The following C2CD5 variants were observed in gnomAD, a reference collection of about 807,000 sequenced individuals.
The protein encoded by C2CD5 is C2 calcium dependent domain containing 5, also known as C2 domain-containing protein 5.
C2CD5 carries 109 observed loss-of-function variants against 130.3 expected under a neutral mutation model. The ratio of observed to expected loss-of-function variants is 0.84; its 90% CI spans 0.72 to 0.98. The LOEUF is 0.98. Among genes scored for constraint, C2CD5 ranks in the 50% least tolerant of loss-of-function variants. The pLI is 0.00. For missense variants in C2CD5, 996 were observed against 1,261.8 expected (o/e 0.79, Z 3.19); for synonymous variants, 454 against 429.2 (o/e 1.06, Z -0.71).
At chr12:22,482,799 C>A in intron 13 of C2CD5, 56 bp from the exon 14 acceptor site, 1 of 1,326,512 alleles carries the variant, frequency 7.5e-7, no homozygotes, top group Non-Finnish European at 1.1e-6. Flanking sequence ...TTAAAAATGT[C>A]CAAATTTTAA....
chr12:22,525,991 G>A (rs1669597057), intron 4 of C2CD5, among the ~76,000 whole-genome samples: 1 of 152,146 alleles, frequency 6.6e-6, no homozygotes, highest in South Asian at 2.1e-4. Flanking sequence ...AGATAGGCTA[G>A]GCTAAGCTAT....
At chr12:22,489,553 G>A (rs984126489) in intron 12 of C2CD5, among the ~76,000 whole-genome samples, 1 of 151,902 alleles carries the variant, frequency 6.6e-6, no homozygotes, top group Admixed American at 6.6e-5. Context: ...TAAAGTATAG[G>A]GGAGAATGTG....
At chr12:22,510,257 C>T (rs541260246) in intron 9 of C2CD5, among the ~76,000 whole-genome samples, 4 of 152,162 alleles carry the variant, frequency 2.6e-5, no homozygotes, top group South Asian at 2.1e-4. Context: ...AAGCACATCC[C>T]GCTTTCAATG....
intron 12 of C2CD5, among the ~76,000 whole-genome samples, chr12:22,489,751 TAA>T (rs1946096644): frequency 6.6e-6 from 1 of 152,186 alleles, no homozygotes; most frequent in African/African-American, 2.4e-5. Context: ...TTGTTTTTTA[TAA>T]AAATTGTTTC....
rs778454421 is a variant in C2CD5, at chr12:22,457,168, T to C, written c.2687-7A>G. On this transcript the variant is annotated splice_polypyrimidine_tract_variant and splice_region_variant and intron_variant, in intron 24 of 26. Coordinates refer to ENST00000446597, the MANE Select transcript of C2CD5 (RefSeq NM_001286176.2). Reference sequence around the variant, plus strand: ...GCTTTTTCAACTGTCATGGCTAAAATTGGAGAAAAATGAGAAAACATTCAG... The same window carrying C: ...GCTTTTTCAACTGTCATGGCTAAAACTGGAGAAAAATGAGAAAACATTCAG... 5.0e-6 allele frequency: 8 copies of C among 1,588,242 alleles called. No homozygotes were observed. The highest frequency in any genetic ancestry group is 2.3e-5 in the East Asian group (1 of 43,918).
chr12:22,528,284 C>T (rs2137103558), intron 3 of C2CD5, among the ~76,000 whole-genome samples: 1 of 152,288 alleles, frequency 6.6e-6, no homozygotes, highest in African/African-American at 2.4e-5. Context: ...AATGACACCA[C>T]AATTTCTAAG....
intron 2 of C2CD5, among the ~76,000 whole-genome samples, chr12:22,537,903 T>C (rs962248053): frequency 2.0e-5 from 3 of 152,216 alleles, no homozygotes; most frequent in Admixed American, 1.3e-4. Context: ...ATACTTCGCT[T>C]GTACAGAACC....
rs759619413 is a variant in C2CD5 at position 22,513,307 on chromosome 12, G to A, written c.1025C>T (p.Ala342Val). ...AGTGAATCTTACCCTCTGTTCCAAC[G>A]CTGATTGAGTCTGTTGTCTTAAAAG... Reference protein sequence around the residue: ...KALLRQQTQSALEQREFPFFT... With the variant: ...KALLRQQTQSVLEQREFPFFT... Residue 342 changes from alanine to valine, a missense_variant, in exon 9 of 27, where the codon GCG becomes GTG. Coordinates refer to ENST00000446597, the MANE Select transcript of C2CD5 (RefSeq NM_001286176.2). 16 of 1,607,366 alleles carry A rather than the reference G, an allele frequency of 1.0e-5. No homozygotes were observed. The highest frequency in any genetic ancestry group is 2.2e-5 in the East Asian group (1 of 44,782).
At chr12:22,484,937 T>G in intron 12 of C2CD5, 49 bp from the exon 13 acceptor site, 1 of 950,542 alleles carries the variant, frequency 1.1e-6, no homozygotes, top group South Asian at 2.4e-5. Flanking sequence ...ATGTACCAAT[T>G]TTTTCAAAAA....
At chr12:22,523,732 A>C in intron 6 of C2CD5, 108 bp from the exon 7 acceptor site, 1 of 811,452 alleles carries the variant, frequency 1.2e-6, no homozygotes, top group Non-Finnish European at 2.0e-6. Context: ...AAAATCACAG[A>C]TTTTCAGAAC....
intron 22 of C2CD5, among the ~76,000 whole-genome samples, chr12:22,467,214 G>A (rs1942229503): frequency 6.6e-6 from 1 of 152,010 alleles, no homozygotes; most frequent in African/African-American, 2.4e-5. Flanking sequence ...CTGTCGCCCA[G>A]GCTGGAGTGC....
rs745561097 is a variant in C2CD5 at position 22,458,601 on chromosome 12, GA to G, written c.2585-17del. ...ACTGACGTTGCTGAAAACACAGACA[GA>G]AAACAAAAGAAAAAAACAAAGAAAA... On this transcript the variant is annotated splice_polypyrimidine_tract_variant and intron_variant, in intron 23 of 26. Transcript: ENST00000446597. 17 of 1,163,810 alleles carry G rather than the reference GA, an allele frequency of 1.5e-5. No individual in the cohort carries two copies. In the East Asian group the frequency reaches 4.3e-4, roughly 30 times the overall value. 72.1% of individuals were successfully genotyped at this position (1,163,810 alleles called of 1,614,324 possible). A position where few individuals can be genotyped will look rare whatever the true frequency, so the allele number is the denominator to read the frequency against.
chr12:22,452,569 C>G (rs1039680104), intron 26 of C2CD5, among the ~76,000 whole-genome samples: 1 of 152,146 alleles, frequency 6.6e-6, no homozygotes, highest in African/African-American at 2.4e-5. Context: ...CTTCCCTTCC[C>G]CCTCTAACGT....
At chr12:22,520,948 A>C (rs1346215214) in intron 7 of C2CD5, among the ~76,000 whole-genome samples, 1 of 152,166 alleles carries the variant, frequency 6.6e-6, no homozygotes, top group Non-Finnish European at 1.5e-5. Flanking sequence ...TAAAATTCAA[A>C]TACACTGGAA....
chr12:22,526,673 C>A (rs955054375), intron 4 of C2CD5, among the ~76,000 whole-genome samples: 2 of 151,998 alleles, frequency 1.3e-5, no homozygotes, highest in Non-Finnish European at 2.9e-5. Context: ...GGGTTTGAGA[C>A]CAGCCTGGGC....
At chr12:22,504,578 G>A (rs113018176) in intron 10 of C2CD5, among the ~76,000 whole-genome samples, 3,075 of 152,268 alleles carry the variant, frequency 0.02, 38 homozygotes, top group Middle Eastern at 0.034. Context: ...AAAGTGTTGG[G>A]ATTACAGGCG....
At chr12:22,453,345 T>C (rs1939106532) in intron 26 of C2CD5, among the ~76,000 whole-genome samples, 9 of 152,302 alleles carry the variant, frequency 5.9e-5, no homozygotes, top group Admixed American at 5.9e-4. Context: ...TTTATGGCAT[T>C]TCATACTATT....
intron 14 of C2CD5, among the ~76,000 whole-genome samples, chr12:22,479,344 G>A (rs59120810): frequency 0.021 from 3,191 of 151,892 alleles, 107 homozygotes; most frequent in African/African-American, 0.073. Flanking sequence ...AAAGTGCTGG[G>A]ATTACGGGCC....
intron 7 of C2CD5, among the ~76,000 whole-genome samples, chr12:22,521,860 C>T (rs12303829): frequency 0.16 from 23,841 of 151,970 alleles, 3,765 homozygotes; most frequent in African/African-American, 0.41. Context: ...GAAAATTTCA[C>T]TTTAAAAAAG....
Sources: gnomAD v4.1 joint callset for allele counts (sites outside exome capture counted in the v4.1 genomes callset) on GRCh38, gnomAD v4.1.1 for gene constraint, MANE v1.5 for transcripts, NCBI Gene and HGNC (gene_info 2026-07-23, HGNC 2026-07-21) for gene names.